MACROD2: variants seen among roughly 807,000 people sequenced by gnomAD.
MACROD2 encodes ADP-ribose glycohydrolase MACROD2.
Under a neutral mutation model 70.4 loss-of-function variants are expected in MACROD2, and 36 were observed. That is an observed-to-expected ratio of 0.51 (90% CI 0.39 to 0.68). The LOEUF (loss-of-function observed/expected upper bound fraction) is 0.68. Ranked by LOEUF, MACROD2 falls within the 30% of genes least tolerant of loss-of-function variation. The pLI, the probability that MACROD2 is intolerant of heterozygous loss-of-function variation, is 0.00. For synonymous variants in MACROD2, 172 were observed against 178.8 expected (o/e 0.96, Z 0.30); for missense variants, 496 against 538.4 (o/e 0.92, Z 0.78).
intron 5 of MACROD2, among the ~76,000 whole-genome samples, chr20:15,038,189 A>G (rs918333425): frequency 1.3e-5 from 2 of 152,226 alleles, no homozygotes; most frequent in Non-Finnish European, 2.9e-5. Flanking sequence ...GTTCTTTTAC[A>G]TCGTTTCTTA....
chr20:15,471,879 T>A (rs2046968286), intron 7 of MACROD2, among the ~76,000 whole-genome samples: 1 of 152,096 alleles, frequency 6.6e-6, no homozygotes, highest in South Asian at 2.1e-4. Context: ...CATTCCCCCT[T>A]CCAAACTAAA....
intron 12 of MACROD2, among the ~76,000 whole-genome samples, chr20:15,938,193 G>A (rs1414034847): frequency 6.6e-6 from 1 of 152,120 alleles, no homozygotes; most frequent in Admixed American, 6.5e-5. Flanking sequence ...ACAAAATAGT[G>A]CTTTTTCTTC....
intron 8 of MACROD2, among the ~76,000 whole-genome samples, chr20:15,633,633 A>G (rs913636045): frequency 2.6e-5 from 4 of 152,082 alleles, no homozygotes; most frequent in Non-Finnish European, 5.9e-5. Flanking sequence ...GGTTATTACT[A>G]GGACTGGGTT....
intron 3 of MACROD2, among the ~76,000 whole-genome samples, chr20:14,203,747 G>A (rs1398356900): frequency 6.6e-6 from 1 of 152,198 alleles, no homozygotes; most frequent in East Asian, 1.9e-4. Context: ...ATGCCAGGTG[G>A]GCTGGTCCTT....
At chr20:15,589,485 C>T (rs1000025460) in intron 8 of MACROD2, among the ~76,000 whole-genome samples, 11 of 152,204 alleles carry the variant, frequency 7.2e-5, no homozygotes, top group Non-Finnish European at 4.4e-5. Flanking sequence ...ATATTTCCAC[C>T]AGAGTGGTAC....
chr20:15,273,198 C>T (rs577650216), intron 6 of MACROD2, among the ~76,000 whole-genome samples: 7 of 152,222 alleles, frequency 4.6e-5, no homozygotes, highest in African/African-American at 1.7e-4. Flanking sequence ...ATCTAATCAG[C>T]TGCCAACGAA....
chr20:14,998,926 C>A (rs2074971734), intron 5 of MACROD2, among the ~76,000 whole-genome samples: 1 of 152,208 alleles, frequency 6.6e-6, no homozygotes, highest in South Asian at 2.1e-4. Context: ...TCCAATATGT[C>A]TGGCAGCAGA....
chr20:14,362,643 A>G (rs2083233091), intron 3 of MACROD2, among the ~76,000 whole-genome samples: 1 of 152,180 alleles, frequency 6.6e-6, no homozygotes, highest in Non-Finnish European at 1.5e-5. Context: ...TTGCATCCCC[A>G]GGAATCTTTG....
chr20:14,035,869 G>A (rs1231606872), intron 2 of MACROD2, among the ~76,000 whole-genome samples: 7 of 152,224 alleles, frequency 4.6e-5, no homozygotes, highest in Admixed American at 3.9e-4. Flanking sequence ...GCGGCTGGGC[G>A]CGGTGGCTGA....
chr20:14,935,620 G>T (rs1224649933), intron 5 of MACROD2, among the ~76,000 whole-genome samples: 3 of 152,154 alleles, frequency 2.0e-5, no homozygotes. Context: ...AGATTTGGGA[G>T]TGTAGACTGG....
At chr20:15,508,142 G>A (rs2047452095) in intron 8 of MACROD2, among the ~76,000 whole-genome samples, 2 of 152,120 alleles carry the variant, frequency 1.3e-5, no homozygotes, top group Admixed American at 6.5e-5. Context: ...AGATTAGGGT[G>A]GCTTGCTGTC....
chr20:14,594,776 C>G, intron 4 of MACROD2, among the ~76,000 whole-genome samples: 1 of 152,078 alleles, frequency 6.6e-6, no homozygotes, highest in Non-Finnish European at 1.5e-5. Flanking sequence ...CCTATAGACC[C>G]AGATACTCGG....
At chr20:15,757,340 A>C (rs2051362377) in intron 8 of MACROD2, among the ~76,000 whole-genome samples, 1 of 151,788 alleles carries the variant, frequency 6.6e-6, no homozygotes, top group South Asian at 2.1e-4. Flanking sequence ...GCTCCATCTC[A>C]TTTTGCAAAG....
chr20:15,658,225 C>CT (rs11296773), intron 8 of MACROD2, among the ~76,000 whole-genome samples: 1,508 of 140,992 alleles, frequency 0.011, 13 homozygotes, highest in South Asian at 0.045. Flanking sequence ...CTCTCTCTCT[C>CT]TTTTTTTTTT....
At chr20:15,110,434 G>A (rs1458173084) in intron 5 of MACROD2, among the ~76,000 whole-genome samples, 2 of 152,072 alleles carry the variant, frequency 1.3e-5, no homozygotes, top group Non-Finnish European at 2.9e-5. Flanking sequence ...TAATACTAGA[G>A]GCAATACTTG....
chr20:15,904,466 CTA>C (rs533247196), intron 10 of MACROD2, among the ~76,000 whole-genome samples: 94 of 152,258 alleles, frequency 6.2e-4, no homozygotes, highest in African/African-American at 2.1e-3. Flanking sequence ...TATGATTTCA[CTA>C]TGTTTCTCCC....
intron 5 of MACROD2, among the ~76,000 whole-genome samples, chr20:15,101,758 A>G (rs1488127599): frequency 6.6e-6 from 1 of 151,996 alleles, no homozygotes; most frequent in Non-Finnish European, 1.5e-5. Flanking sequence ...GGAGTAATTT[A>G]TAATCTTAGA....
chr20:15,794,826 G>A (rs7269144), intron 8 of MACROD2, among the ~76,000 whole-genome samples: 31,015 of 151,972 alleles, frequency 0.2, 3,203 homozygotes, highest in Non-Finnish European at 0.21. Flanking sequence ...AACAGAGAAC[G>A]CTATTTCTCT....
At chr20:15,352,764 A>C (rs376377777) in intron 6 of MACROD2, among the ~76,000 whole-genome samples, 1 of 152,158 alleles carries the variant, frequency 6.6e-6, no homozygotes. Flanking sequence ...TGCTTCAAAG[A>C]GAATAAAATA....
Sources: allele counts gnomAD v4.1 joint callset (sites outside exome capture counted in the v4.1 genomes callset), GRCh38; gene constraint gnomAD v4.1.1; transcripts MANE v1.5; gene names NCBI Gene and HGNC (gene_info 2026-07-23, HGNC 2026-07-21).